Variants in CCSER2 observed in about 807,000 individuals in gnomAD.
CCSER2 encodes the protein coiled-coil serine rich protein 2.
Under a neutral mutation model 92.3 loss-of-function variants are expected in CCSER2, and 46 were observed. The observed-to-expected ratio is 0.50, with a 90% CI of 0.39 to 0.64. The LOEUF (loss-of-function observed/expected upper bound fraction) is 0.64, where lower values mean the gene tolerates loss of function less well. CCSER2 is among the 30% of genes least tolerant of loss of function. CCSER2 has a pLI of 0.00. For missense variants in CCSER2, 1,244 were observed against 1,238.9 expected (o/e 1.00, Z -0.06); for synonymous variants, 433 against 431.4 (o/e 1.00, Z -0.04).
chr10:84,486,574 A>C (rs1847821798), intron 9 of CCSER2, among the ~76,000 whole-genome samples: 1 of 152,076 alleles, frequency 6.6e-6, no homozygotes, highest in African/African-American at 2.4e-5. Context: ...TCCTTTGCCC[A>C]CTTGTTGATG....
In CCSER2 at chr10:84,341,343, CTTTTTTT is replaced by C. The variant is rs35558044; in HGVS notation, c.-40+12553_-40+12559del. On this transcript the variant is annotated intron_variant, in intron 1 of 9. Transcript: ENST00000372088. The stretch of plus-strand genomic sequence containing the variant: ...GCCACTGCACCTGGCCTTTGTAACT[CTTTTTTT>C]TTTTTTTTTTTTTTTTTAGAGGCGG... 5.3e-5 allele frequency among the ~76,000 whole-genome samples: 5 copies of C among 94,312 alleles called. No individual in the cohort carries two copies. In the East Asian group the frequency reaches 1.1e-3, roughly 21 times the overall value. 61.9% of individuals were successfully genotyped at this position (94,312 alleles called of 152,430 possible). A position where few individuals can be genotyped will look rare whatever the true frequency, so the allele number is the denominator to read the frequency against.
At chr10:84,444,334 G>T (rs1270714186) in intron 6 of CCSER2, among the ~76,000 whole-genome samples, 1 of 152,104 alleles carries the variant, frequency 6.6e-6, no homozygotes, top group South Asian at 2.1e-4. Context: ...TGTAGAAAAT[G>T]AATAGCAGAG....
At chr10:84,390,176 T>C (rs975367618) in intron 3 of CCSER2, among the ~76,000 whole-genome samples, 1 of 152,184 alleles carries the variant, frequency 6.6e-6, no homozygotes, top group African/African-American at 2.4e-5. Flanking sequence ...ACCAATTCCA[T>C]CCTAACACCA....
rs566250396 is a variant in CCSER2 at position 84,361,319 on chromosome 10, G to A, written c.-39-9695G>A. On this transcript the variant is annotated intron_variant, in intron 1 of 9. Coordinates refer to ENST00000372088, the MANE Select transcript of CCSER2 (RefSeq NM_001284240.2). ...ACTGTTAAATGTCCCGTCTCTCCTG[G>A]GAGGGGCTTGTCTCCCTTTGGAATT... is the stretch of plus-strand genomic sequence containing the variant. 3.3e-4 allele frequency among the ~76,000 whole-genome samples: 50 copies of A among 152,292 alleles called. No individual in the cohort carries two copies. In the South Asian group the frequency reaches 8.3e-3, roughly 25 times the overall value.
chr10:84,371,672 C>T lies in CCSER2; in HGVS notation c.620C>T (p.Pro207Leu). Residue 207 changes from proline (P) to leucine (L), a missense_variant, in exon 2 of 10, where the codon CCA becomes CTA. Coordinates refer to ENST00000372088, the MANE Select transcript of CCSER2 (RefSeq NM_001284240.2). ...TCTGGAGAAAGCTTAGCTCAATCCC[C>T]AGACAGTAGTAAATCTATTAATTGT... ...SSSGESLAQSPDSSKSINCEK... is the reference protein window; with the variant it reads ...SSSGESLAQSLDSSKSINCEK... 3.7e-6 allele frequency: 6 copies of T among 1,613,788 alleles called. No homozygotes were observed. The South Asian group carries it at 5.5e-5, about 15-fold the overall frequency.
At chr10:84,494,692 G>C (rs1373710610) in intron 9 of CCSER2, among the ~76,000 whole-genome samples, 2 of 152,174 alleles carry the variant, frequency 1.3e-5, no homozygotes, top group Admixed American at 6.5e-5. Flanking sequence ...AGGGTCTCTT[G>C]TATTCAAGGT....
intron 3 of CCSER2, chr10:84,391,757 G>A: frequency 6.5e-7 from 1 of 1,531,318 alleles, no homozygotes; most frequent in Non-Finnish European, 9.0e-7. Flanking sequence ...GCAGTATGAA[G>A]ACCCTGGTGC....
chr10:84,442,362 G>C (rs1396457523), intron 6 of CCSER2, among the ~76,000 whole-genome samples: 1 of 152,046 alleles, frequency 6.6e-6, no homozygotes, highest in South Asian at 2.1e-4. Flanking sequence ...GATTAGTTGG[G>C]GAAATTTGAA....
intron 1 of CCSER2, among the ~76,000 whole-genome samples, chr10:84,364,902 T>G (rs147105531): frequency 0.021 from 3,131 of 151,978 alleles, 37 homozygotes; most frequent in Non-Finnish European, 0.031. Flanking sequence ...CCACCATGCC[T>G]GGCTAATTTT....
intron 1 of CCSER2, among the ~76,000 whole-genome samples, chr10:84,355,663 A>G (rs571002981): frequency 1.3e-5 from 2 of 152,364 alleles, no homozygotes; most frequent in Admixed American, 6.5e-5. Flanking sequence ...TAGGCTTTCA[A>G]TAAATGTTTA....
intron 1 of CCSER2, among the ~76,000 whole-genome samples, chr10:84,354,719 T>C (rs1340008419): frequency 6.6e-6 from 1 of 151,932 alleles, no homozygotes; most frequent in Non-Finnish European, 1.5e-5. Flanking sequence ...TTTCAGATTT[T>C]GCCCTTGCAT....
At chr10:84,455,926 C>A in intron 6 of CCSER2, 1 of 680,300 alleles carries the variant, frequency 1.5e-6, no homozygotes, top group East Asian at 3.0e-5. Flanking sequence ...TCTGTTGCAT[C>A]TTGTTCTGGA....
chr10:84,422,916 G>T (rs537199376), intron 4 of CCSER2, among the ~76,000 whole-genome samples: 1 of 152,030 alleles, frequency 6.6e-6, no homozygotes, highest in South Asian at 2.1e-4. Flanking sequence ...TTAGCCAGGC[G>T]TGGTGATGTG....
At position 84,328,813 on chromosome 10, in the gene CCSER2, G is replaced by A. The variant is rs1843392499; in HGVS notation, c.-40+5G>A. The A allele has an allele frequency of 6.6e-6, 1 of 151,906 alleles. No individual in the cohort carries two copies. The highest frequency in any genetic ancestry group is 6.6e-5 in the Admixed American group (1 of 15,190). The allele number at this position is 151,906 out of a possible 1,614,324, so 9.4% of individuals were successfully genotyped here. ...AGGCAGCGCGACCTCCGCACGGTGA[G>A]ATCCGGGCTCAGGGCCAGAGCCGGG... On this transcript the variant is annotated splice_donor_5th_base_variant and intron_variant, in intron 1 of 9. Transcript: ENST00000372088.
At chr10:84,395,504 G>A (rs1048699041) in intron 3 of CCSER2, among the ~76,000 whole-genome samples, 12 of 152,062 alleles carry the variant, frequency 7.9e-5, no homozygotes, top group Non-Finnish European at 1.2e-4. Flanking sequence ...TTATTGTCCC[G>A]TGGTGATTAT....
intron 3 of CCSER2, among the ~76,000 whole-genome samples, chr10:84,377,226 TACC>T (rs1425045606): frequency 6.6e-6 from 1 of 152,176 alleles, no homozygotes; most frequent in African/African-American, 2.4e-5. Context: ...CCTTTACCGT[TACC>T]ACTTTTTAAA....
chr10:84,390,122 A>T (rs1046341626), intron 3 of CCSER2, among the ~76,000 whole-genome samples: 6 of 152,160 alleles, frequency 3.9e-5, no homozygotes, highest in African/African-American at 1.4e-4. Flanking sequence ...ATTTATGTCC[A>T]CATTATTTAT....
chr10:84,422,584 C>T (rs1205134736), intron 4 of CCSER2, among the ~76,000 whole-genome samples: 1 of 152,156 alleles, frequency 6.6e-6, no homozygotes, highest in Non-Finnish European at 1.5e-5. Context: ...GGCCCAGTCT[C>T]ACCTGCATCT....
At chr10:84,495,670 G>A (rs1349910967) in intron 9 of CCSER2, among the ~76,000 whole-genome samples, 3 of 151,744 alleles carry the variant, frequency 2.0e-5, no homozygotes, top group Admixed American at 6.6e-5. Flanking sequence ...TGTCTTCTTG[G>A]TAGATTAACC....
Sources: allele counts gnomAD v4.1 joint callset (sites outside exome capture counted in the v4.1 genomes callset), GRCh38; gene constraint gnomAD v4.1.1; transcripts MANE v1.5; gene names NCBI Gene and HGNC (gene_info 2026-07-23, HGNC 2026-07-21).